FARS2: variants seen among roughly 807,000 people sequenced by gnomAD.
FARS2 encodes phenylalanyl-tRNA synthetase 2, mitochondrial.
FARS2 carries 40 observed loss-of-function variants against 46.4 expected under a neutral mutation model. The ratio of observed to expected loss-of-function variants is 0.86; its 90% CI spans 0.67 to 1.12. The LOEUF is 1.12. Ranked by LOEUF, FARS2 falls within the 50% of genes most tolerant of loss-of-function variation. FARS2 has a pLI of 0.00. For missense variants in FARS2, 513 were observed against 567.9 expected (o/e 0.90, Z 0.98); for synonymous variants, 234 against 214.9 (o/e 1.09, Z -0.78).
intron 1 of FARS2, among the ~76,000 whole-genome samples, chr6:5,350,635 T>C (rs1448369100): frequency 2.0e-5 from 3 of 152,206 alleles, no homozygotes; most frequent in Admixed American, 6.5e-5. Flanking sequence ...AGGAAAACAC[T>C]GTACTTTGAC....
chr6:5,591,471 C>T (rs943295825), intron 5 of FARS2, among the ~76,000 whole-genome samples: 7 of 152,370 alleles, frequency 4.6e-5, no homozygotes, highest in African/African-American at 1.4e-4. Context: ...GTGACTTCTG[C>T]TCTCACGAGG....
intron 6 of FARS2, among the ~76,000 whole-genome samples, chr6:5,740,040 G>A (rs530470627): frequency 1.3e-5 from 2 of 152,320 alleles, no homozygotes; most frequent in South Asian, 4.1e-4. Context: ...TTAAACCGAG[G>A]TTTAAAGGCC....
At chr6:5,542,553 A>G (rs1037417767) in intron 4 of FARS2, among the ~76,000 whole-genome samples, 1 of 152,142 alleles carries the variant, frequency 6.6e-6, no homozygotes, top group South Asian at 2.1e-4. Flanking sequence ...ATCTTTAGCA[A>G]CATCTTTGGC....
chr6:5,628,855 T>C (rs7741315), intron 6 of FARS2, among the ~76,000 whole-genome samples: 9,094 of 152,248 alleles, frequency 0.06, 743 homozygotes, highest in African/African-American at 0.19. Flanking sequence ...TGGTTTGATG[T>C]GCACTGCCAT....
chr6:5,600,936 C>T (rs1774473466), intron 5 of FARS2, among the ~76,000 whole-genome samples: 1 of 152,068 alleles, frequency 6.6e-6, no homozygotes, highest in South Asian at 2.1e-4. Context: ...GGAAGTGGAG[C>T]TTTAGAGGGG....
intron 4 of FARS2, among the ~76,000 whole-genome samples, chr6:5,539,408 T>G (rs9378964): frequency 3.2e-5 from 3 of 93,946 alleles, no homozygotes; most frequent in Non-Finnish European, 5.5e-5. Context: ...ATGTATATAT[T>G]TTTTTAGTAG....
intron 4 of FARS2, among the ~76,000 whole-genome samples, chr6:5,485,131 C>T (rs530043690): frequency 2.0e-4 from 31 of 152,194 alleles, no homozygotes; most frequent in African/African-American, 7.0e-4. Context: ...GTACATGCAC[C>T]ATTTTTTTCA....
intron 4 of FARS2, among the ~76,000 whole-genome samples, chr6:5,513,777 T>G (rs1768601765): frequency 6.6e-6 from 1 of 152,150 alleles, no homozygotes. Context: ...GAATGCTGAG[T>G]TCTCAGAGTT....
At chr6:5,728,473 A>C (rs1440568282) in intron 6 of FARS2, among the ~76,000 whole-genome samples, 2 of 152,134 alleles carry the variant, frequency 1.3e-5, no homozygotes, top group African/African-American at 4.8e-5. Context: ...AGGTATAGGG[A>C]ATAATTCTAC....
chr6:5,402,062 A>T (rs1414568695), intron 2 of FARS2, among the ~76,000 whole-genome samples: 1 of 150,048 alleles, frequency 6.7e-6, no homozygotes, highest in Non-Finnish European at 1.5e-5. Flanking sequence ...CCTGTGTTCC[A>T]TTTCTACCAC....
chr6:5,391,577 T>C (rs1288668005), intron 2 of FARS2, among the ~76,000 whole-genome samples: 1 of 151,972 alleles, frequency 6.6e-6, no homozygotes, highest in Non-Finnish European at 1.5e-5. Context: ...AGTTATTTTT[T>C]TTTTAATGGC....
In FARS2 at chr6:5,296,129, C is replaced by CTTTTTTTTTTTTTTTTTTTTTTT. The variant is rs70974187; in HGVS notation, c.-22+34477_-22+34499dup. Among the ~76,000 whole-genome samples, 3 of 55,040 alleles carry CTTTTTTTTTTTTTTTTTTTTTTT rather than the reference C, an allele frequency of 5.5e-5. 1 individual carries two copies. Among genetic ancestry groups the CTTTTTTTTTTTTTTTTTTTTTTT allele is most frequent in the African/African-American group, 8.9e-5 (1 of 11,272 alleles). 36.1% of individuals were successfully genotyped at this position (55,040 alleles called of 152,430 possible). ...CAAACATAAAAATTATCATTTTGGC[C>CTTTTTTTTTTTTTTTTTTTTTTT]TTTTTTTTTTTTTTTTTTTTTTTTT... On this transcript the variant is annotated intron_variant, in intron 1 of 6. Coordinates refer to ENST00000274680, the MANE Select transcript of FARS2 (RefSeq NM_006567.5).
intron 6 of FARS2, among the ~76,000 whole-genome samples, chr6:5,758,617 C>T (rs908617611): frequency 1.3e-5 from 2 of 152,170 alleles, no homozygotes; most frequent in Non-Finnish European, 1.5e-5. Context: ...TGCCTTTACG[C>T]TCTGCAGAGC....
chr6:5,493,423 A>G (rs1400669073), intron 4 of FARS2, among the ~76,000 whole-genome samples: 1 of 152,192 alleles, frequency 6.6e-6, no homozygotes, highest in Admixed American at 6.5e-5. Flanking sequence ...TTTAAATGAA[A>G]GAAGGGTCTG....
At chr6:5,677,193 T>G (rs1036256625) in intron 6 of FARS2, among the ~76,000 whole-genome samples, 1 of 152,220 alleles carries the variant, frequency 6.6e-6, no homozygotes, top group African/African-American at 2.4e-5. Context: ...GAGCAAACCA[T>G]GTGTCTTGCT....
intron 1 of FARS2, among the ~76,000 whole-genome samples, chr6:5,360,764 G>A (rs1345987105): frequency 6.6e-6 from 1 of 152,176 alleles, no homozygotes; most frequent in Non-Finnish European, 1.5e-5. Context: ...TCAGAAAGAA[G>A]GTCTGGATAG....
intron 6 of FARS2, among the ~76,000 whole-genome samples, chr6:5,754,907 A>G (rs1762129450): frequency 6.6e-6 from 1 of 152,158 alleles, no homozygotes; most frequent in Non-Finnish European, 1.5e-5. Context: ...TTCAGGACTT[A>G]TTATGTTTCC....
intron 2 of FARS2, among the ~76,000 whole-genome samples, chr6:5,399,181 A>T (rs1326503948): frequency 1.4e-5 from 2 of 146,814 alleles, no homozygotes; most frequent in African/African-American, 2.5e-5. Context: ...TATTATCATC[A>T]TCATCATCAT....
At chr6:5,655,565 C>T (rs569447171) in intron 6 of FARS2, among the ~76,000 whole-genome samples, 4 of 152,280 alleles carry the variant, frequency 2.6e-5, no homozygotes, top group Non-Finnish European at 4.4e-5. Context: ...CTGCATCTAG[C>T]GGTCCCTGCA....
Sources: gnomAD v4.1 joint callset for allele counts (sites outside exome capture counted in the v4.1 genomes callset) on GRCh38, gnomAD v4.1.1 for gene constraint, MANE v1.5 for transcripts, NCBI Gene and HGNC (gene_info 2026-07-23, HGNC 2026-07-21) for gene names.